The following IRF4 variants were observed in gnomAD, a reference collection of about 807,000 sequenced individuals.
IRF4 encodes the protein lymphocyte-specific interferon regulatory factor.
IRF4 carries 13 observed loss-of-function variants against 55.5 expected under a neutral mutation model. The ratio of observed to expected loss-of-function variants is 0.23; its 90% CI spans 0.15 to 0.37. The LOEUF (loss-of-function observed/expected upper bound fraction) is 0.37, where lower values mean the gene tolerates loss of function less well. IRF4 is among the 10% of genes least tolerant of loss of function. The pLI is 1.00. For synonymous variants in IRF4, 249 were observed against 240.7 expected (o/e 1.03, Z -0.32); for missense variants, 397 against 593.8 (o/e 0.67, Z 3.44).
At chr6:398,073 C>T (rs1761312637) in intron 5 of IRF4, among the ~76,000 whole-genome samples, 1 of 152,202 alleles carries the variant, frequency 6.6e-6, no homozygotes, top group Admixed American at 6.5e-5. Context: ...CAAAAAAGCT[C>T]AGAATTCAGT....
At chr6:404,160 C>T (rs749361684) in intron 7 of IRF4, among the ~76,000 whole-genome samples, 1 of 152,142 alleles carries the variant, frequency 6.6e-6, no homozygotes, top group Non-Finnish European at 1.5e-5. Flanking sequence ...CCTGTGTCAA[C>T]TCGTTTCTTT....
intron 8 of IRF4, among the ~76,000 whole-genome samples, chr6:405,499 C>T (rs879525446): frequency 6.6e-6 from 1 of 152,176 alleles, no homozygotes; most frequent in Non-Finnish European, 1.5e-5. Flanking sequence ...TGTAAGAATG[C>T]TATCTAGCTA....
At chr6:395,139 G>A in intron 3 of IRF4, 132 bp downstream of exon 3, 1 of 691,138 alleles carries the variant, frequency 1.4e-6, no homozygotes, top group East Asian at 2.8e-5. Context: ...GCCTCACAGT[G>A]AAGCCCAGCC....
At position 408,293 on chromosome 6, in the gene IRF4, G is replaced by C. The variant is rs1014545675; in HGVS notation, c.*695G>C. Reference sequence around the variant, plus strand: ...TGTGGAAGACACTTGCTGAGTGAAGGAAATGAATCTTTGACTGAAGCCGTG... The same window carrying C: ...TGTGGAAGACACTTGCTGAGTGAAGCAAATGAATCTTTGACTGAAGCCGTG... On this transcript the variant is annotated 3_prime_UTR_variant, in exon 9 of 9. Coordinates refer to ENST00000380956, the MANE Select transcript of IRF4 (RefSeq NM_002460.4). The C allele has an allele frequency of 4.3e-6, 1 of 232,152 alleles. No homozygotes were observed. The highest frequency in any genetic ancestry group is 2.2e-5 in the African/African-American group (1 of 45,232). 14.4% of individuals were successfully genotyped at this position (232,152 alleles called of 1,614,324 possible).
chr6:396,073 G>A, intron 4 of IRF4, 138 bp downstream of exon 4: 1 of 643,828 alleles, frequency 1.6e-6, no homozygotes, highest in Non-Finnish European at 2.7e-6. Flanking sequence ...AAAACCCCAG[G>A]TCACTGAACG....
intron 7 of IRF4, among the ~76,000 whole-genome samples, chr6:404,412 G>A (rs991708507): frequency 6.6e-6 from 1 of 152,230 alleles, no homozygotes. Context: ...CCTGGAGACA[G>A]GCAAGAAGTC....
chr6:395,981 C>T, intron 4 of IRF4, 46 bp downstream of exon 4: 14 of 1,465,580 alleles, frequency 9.6e-6, no homozygotes, highest in African/African-American at 1.4e-5. Context: ...GCTGTGTGGG[C>T]CAGCTGCCCA....
intron 6 of IRF4, among the ~76,000 whole-genome samples, chr6:401,153 C>T (rs142457138): frequency 1.8e-3 from 267 of 152,228 alleles, no homozygotes; most frequent in African/African-American, 6.1e-3. Context: ...TGGCCACATA[C>T]GTTTGTAATA....
chr6:395,086 A>G (rs1761218199), intron 3 of IRF4, 79 bp downstream of exon 3: 3 of 1,146,268 alleles, frequency 2.6e-6, no homozygotes, highest in Non-Finnish European at 3.7e-6. Flanking sequence ...TCTGAGCATC[A>G]CTTTCTAGCT....
Position 391,769 on chromosome 6 carries a change from T to C in IRF4, c.-96T>C, listed in dbSNP as rs1001046936. 2 of 453,322 alleles carry C rather than the reference T, an allele frequency of 4.4e-6. No individual in the cohort carries two copies. The highest frequency in any genetic ancestry group is 8.8e-6 in the Non-Finnish European group (2 of 226,144). 28.1% of individuals were successfully genotyped at this position (453,322 alleles called of 1,614,324 possible). ...GCACTCTCAGTTTCACCGCTCGATCTTGGGACCCACCGCTGCCCTCAGCTC... is the reference window on the plus strand; with the variant it reads ...GCACTCTCAGTTTCACCGCTCGATCCTGGGACCCACCGCTGCCCTCAGCTC... On this transcript the variant is annotated 5_prime_UTR_variant, in exon 1 of 9. Transcript: ENST00000380956.
In IRF4 at chr6:409,989, A is replaced by T. The variant is rs1761653314; in HGVS notation, c.*2391A>T. On this transcript the variant is annotated 3_prime_UTR_variant, in exon 9 of 9. Coordinates refer to ENST00000380956, the MANE Select transcript of IRF4 (RefSeq NM_002460.4). ...CTTTCCTATCTTTACATCTATGTGT[A>T]TGTTGACTTTTTAAAATTCTGAGTG... is the stretch of plus-strand genomic sequence containing the variant. The T allele has an allele frequency of 4.4e-6, 1 of 228,632 alleles. No homozygotes were observed. The highest frequency in any genetic ancestry group is 2.2e-5 in the African/African-American group (1 of 45,096). 14.2% of individuals were successfully genotyped at this position (228,632 alleles called of 1,614,324 possible).
chr6:407,609 G>C lies in IRF4; in HGVS notation c.*11G>C, dbSNP rs371515441. On this transcript the variant is annotated 3_prime_UTR_variant, in exon 9 of 9. Coordinates refer to ENST00000380956, the MANE Select transcript of IRF4 (RefSeq NM_002460.4). ...TCTATTCAAGAATGAAAAATGTCAA[G>C]ATGAGTGGTTTTCTTTTTCCTTTTT... 7.9e-6 allele frequency: 12 copies of C among 1,517,024 alleles called. No homozygotes were observed. Among genetic ancestry groups the C allele is most frequent in the South Asian group, 2.4e-5 (2 of 83,366 alleles). The allele number at this position is 1,517,024 out of a possible 1,614,324, so 94.0% of individuals were successfully genotyped here.
At chr6:395,094 G>A in intron 3 of IRF4, 87 bp downstream of exon 3, 1 of 1,111,702 alleles carries the variant, frequency 9.0e-7, no homozygotes. Flanking sequence ...TCACTTTCTA[G>A]CTTTCCTTTT....
chr6:398,989 A>G, intron 6 of IRF4, 54 bp downstream of exon 6: 5 of 1,275,034 alleles, frequency 3.9e-6, no homozygotes, highest in South Asian at 1.3e-5. Context: ...CTCTGCTGCC[A>G]GCTCTGTCAT....
rs1056404392 is a variant in IRF4, at chr6:393,892, C to T, written c.216+524C>T. Among the ~76,000 whole-genome samples, 1 of 152,214 alleles carries T rather than the reference C, an allele frequency of 6.6e-6. No individual in the cohort carries two copies. Among genetic ancestry groups the T allele is most frequent in the Non-Finnish European group, 1.5e-5 (1 of 68,030 alleles). On this transcript the variant is annotated intron_variant, in intron 2 of 8. Coordinates refer to ENST00000380956, the MANE Select transcript of IRF4 (RefSeq NM_002460.4). This position sits in a 1 kb window ranked among gnomAD's most constrained non-coding sequence, Gnocchi z 5.4. ...CAGCCTCTCTTCTCGCTCCTGCTAG[C>T]TCTCTGCGGGTACTCCCACCTCTGT...
rs1561708191 is a variant in IRF4, at chr6:391,764, CG to C, written c.-100del. 2 of 456,020 alleles carry C rather than the reference CG, an allele frequency of 4.4e-6. No homozygotes were observed. Among genetic ancestry groups the C allele is most frequent in the Admixed American group, 4.7e-5 (2 of 42,574 alleles). The allele number at this position is 456,020 out of a possible 1,614,324, so 28.2% of individuals were successfully genotyped here. A position where few individuals can be genotyped will look rare whatever the true frequency, so the allele number is the denominator to read the frequency against. Reference sequence around the variant, plus strand: ...ACCTCGCACTCTCAGTTTCACCGCTCGATCTTGGGACCCACCGCTGCCCTCA... The same window carrying C: ...ACCTCGCACTCTCAGTTTCACCGCTCATCTTGGGACCCACCGCTGCCCTCA... On this transcript the variant is annotated 5_prime_UTR_variant, in exon 1 of 9. Transcript: ENST00000380956.
intron 4 of IRF4, among the ~76,000 whole-genome samples, chr6:396,846 AC>A (rs1171463283): frequency 1.4e-5 from 1 of 71,950 alleles, no homozygotes; most frequent in Non-Finnish European, 2.5e-5. Flanking sequence ...GCACTCCTTT[AC>A]CCCCGTCTCA....
At chr6:402,995 C>T (rs558022621) in intron 7 of IRF4, among the ~76,000 whole-genome samples, 21 of 152,332 alleles carry the variant, frequency 1.4e-4, no homozygotes, top group Non-Finnish European at 2.4e-4. Context: ...GATCGCACCA[C>T]GGTGCTGCAG....
At chr6:396,262 C>T (rs969730130) in intron 4 of IRF4, among the ~76,000 whole-genome samples, 2 of 152,258 alleles carry the variant, frequency 1.3e-5, no homozygotes, top group African/African-American at 2.4e-5. Flanking sequence ...CTGATCTCTT[C>T]AGGCTTTCTT....
Sources: allele counts gnomAD v4.1 joint callset (sites outside exome capture counted in the v4.1 genomes callset), GRCh38; gene constraint gnomAD v4.1.1; non-coding constraint Gnocchi (gnomAD v3.1); transcripts MANE v1.5; gene names NCBI Gene and HGNC (gene_info 2026-07-23, HGNC 2026-07-21).